Variants in OGG1 observed in about 807,000 individuals in gnomAD.
The protein encoded by OGG1 is 8-oxoguanine DNA glycosylase, also known as N-glycosylase/DNA lyase.
Under a neutral mutation model 42.3 loss-of-function variants are expected in OGG1, and 35 were observed. That is an observed-to-expected ratio of 0.83 (90% CI 0.63 to 1.10). OGG1 has a LOEUF of 1.10. OGG1 is among the 50% of genes least tolerant of loss of function. The pLI is 0.00. For synonymous variants in OGG1, 189 were observed against 179.0 expected, an observed-to-expected ratio of 1.06 and a Z score of -0.44; for missense variants, 484 against 446.7, an observed-to-expected ratio of 1.08 and a Z score of -0.75.
intron 2 of OGG1, among the ~76,000 whole-genome samples, chr3:9,778,993 C>A (rs1333061817): frequency 3.3e-5 from 5 of 152,120 alleles, no homozygotes; most frequent in Admixed American, 3.3e-4. Flanking sequence ...AACCTTCCCA[C>A]AGTAAATTGC....
downstream of OGG1, chr3:9,759,065 T>C (rs548387421): frequency 2.8e-5 from 23 of 816,800 alleles, no homozygotes; most frequent in East Asian, 1.2e-4. Context: ...CTTCTCTAAA[T>C]TGGGCTCCTG....
intron 2 of OGG1, 126 bp downstream of exon 2, chr3:9,751,318 C>G (rs3219002): frequency 2.4e-4 from 224 of 951,814 alleles, no homozygotes; most frequent in Admixed American, 1.3e-3. Flanking sequence ...ATTTAAGGAA[C>G]TAATACATGT....
rs749363197 is a variant in OGG1, at chr3:9,750,315, G to C, written c.29G>C (p.Arg10Pro). Residue 10 changes from arginine to proline, a missense_variant, in exon 1 of 7, where the codon CGC becomes CCC. Coordinates refer to ENST00000344629, the MANE Select transcript of OGG1 (RefSeq NM_002542.6). Reference protein sequence around the residue: MPARALLPRRMGHRTLASTP... With the variant: MPARALLPRPMGHRTLASTP... ...CCTGCCCGCGCGCTTCTGCCCAGGC[G>C]CATGGGGCATCGTACTCTAGCCTCC... The C allele has an allele frequency of 6.2e-7, 1 of 1,613,258 alleles. No homozygotes were observed. The highest frequency in any genetic ancestry group is 1.1e-5 in the South Asian group (1 of 91,062).
At chr3:9,759,181 T>G (rs1486472838), downstream of OGG1, 9 of 1,609,862 alleles carry the variant, frequency 5.6e-6, no homozygotes, top group East Asian at 2.0e-4. Flanking sequence ...CCTACTTAAC[T>G]GACAGCTCTG....
chr3:9,758,096 A>G (rs1032137594), downstream of OGG1: 8 of 471,208 alleles, frequency 1.7e-5, no homozygotes, highest in East Asian at 2.4e-4. Flanking sequence ...ATTCATATTA[A>G]TATGTAATAG....
At chr3:9,774,201 G>A (rs925956154) in intron 2 of OGG1, among the ~76,000 whole-genome samples, 9 of 152,118 alleles carry the variant, frequency 5.9e-5, no homozygotes, top group African/African-American at 1.9e-4. Flanking sequence ...CTGAGGTCAG[G>A]AGTTCAAGAC....
downstream of OGG1, chr3:9,759,088 C>G: frequency 9.9e-7 from 1 of 1,005,312 alleles, no homozygotes; most frequent in Non-Finnish European, 1.6e-6. Context: ...TCTCAGTCCC[C>G]TCAGCCCCTC....
chr3:9,759,296 C>G, downstream of OGG1: 4 of 1,605,080 alleles, frequency 2.5e-6, no homozygotes, highest in Non-Finnish European at 3.4e-6. Flanking sequence ...GGTGAGGGAC[C>G]CTCTCTGGAA....
chr3:9,767,733 TCCACTGCCCCCAGCATGGC>T (rs952024590), downstream of OGG1: 1 of 1,614,046 alleles, frequency 6.2e-7, no homozygotes, highest in Non-Finnish European at 8.5e-7. Context: ...CCTGGGGCCT[TCCACTGCCCCCAGCATGGC>T]CCACTGCCCC....
At chr3:9,759,385 C>G (rs2077738727), downstream of OGG1, 2 of 1,565,800 alleles carry the variant, frequency 1.3e-6, no homozygotes, top group Non-Finnish European at 1.8e-6. Flanking sequence ...TAAGCAGTTA[C>G]TGTGTGCCCA....
At chr3:9,789,070 A>G (rs2078680680), downstream of OGG1, among the ~76,000 whole-genome samples, 1 of 151,722 alleles carries the variant, frequency 6.6e-6, no homozygotes. Flanking sequence ...TCCTGAGCTC[A>G]AGCAATCTGC....
At chr3:9,775,290 A>G (rs2078350880) in intron 2 of OGG1, among the ~76,000 whole-genome samples, 1 of 152,216 alleles carries the variant, frequency 6.6e-6, no homozygotes, top group Non-Finnish European at 1.5e-5. Flanking sequence ...CTTTTGATTA[A>G]AGGTTTTGAT....
intron 7 of OGG1, among the ~76,000 whole-genome samples, chr3:9,762,566 A>C (rs764074650): frequency 6.6e-6 from 1 of 152,020 alleles, no homozygotes; most frequent in Middle Eastern, 3.2e-3. Flanking sequence ...TGGTAGAGAC[A>C]GGGTTTTGCC....
rs952148693 is a variant in OGG1 at position 9,751,071 on chromosome 3, C to T, written c.264C>T (p.Pro88=). 8 of 1,613,932 alleles carry T rather than the reference C, an allele frequency of 5.0e-6. No individual in the cohort carries two copies. Among genetic ancestry groups the T allele is most frequent in the Non-Finnish European group, 6.8e-6 (8 of 1,179,932 alleles). The change falls in exon 2 of 7, where the codon CCC becomes CCT. Residue 88 remains proline (P), a synonymous_variant. Coordinates refer to ENST00000344629, the MANE Select transcript of OGG1 (RefSeq NM_002542.6). Reference sequence around the variant, plus strand: ...GAGACAAGAGCCAGGCTAGCAGGCCCACACCAGACGAGCTGGAGGCCGTGC... The same window carrying T: ...GAGACAAGAGCCAGGCTAGCAGGCCTACACCAGACGAGCTGGAGGCCGTGC... ...YRGDKSQASR[P]TPDELEAVRK...
chr3:9,761,870 G>A (rs1212367163), downstream of OGG1: 1 of 1,452,730 alleles, frequency 6.9e-7, no homozygotes, highest in Non-Finnish European at 9.1e-7. Context: ...AAGCCACTGT[G>A]GCTTCATGGC....
At chr3:9,770,458 G>GT (rs2078277059), downstream of OGG1, among the ~76,000 whole-genome samples, 1 of 152,130 alleles carries the variant, frequency 6.6e-6, no homozygotes, top group Admixed American at 6.5e-5. Flanking sequence ...TGGTCGCAGG[G>GT]TGTGGGCCCC....
intron 3 of OGG1, among the ~76,000 whole-genome samples, chr3:9,784,518 T>A (rs1478309521): frequency 6.6e-6 from 1 of 152,150 alleles, no homozygotes; most frequent in Admixed American, 6.5e-5. Context: ...TTATTCCTAA[T>A]CTTTTGCTAC....
downstream of OGG1, chr3:9,759,765 C>A: frequency 1.2e-6 from 2 of 1,614,130 alleles, no homozygotes; most frequent in Non-Finnish European, 1.7e-6. Context: ...ACCCCCAAGA[C>A]AAAAGCAAAG....
downstream of OGG1, chr3:9,759,641 G>T (rs56046762): frequency 6.2e-7 from 1 of 1,614,000 alleles, no homozygotes; most frequent in Admixed American, 1.7e-5. Flanking sequence ...CCCAAATCCC[G>T]CCCCAGCTCA....
Sources: allele counts gnomAD v4.1 joint callset (sites outside exome capture counted in the v4.1 genomes callset), GRCh38; gene constraint gnomAD v4.1.1; transcripts MANE v1.5; gene names NCBI Gene and HGNC (gene_info 2026-07-23, HGNC 2026-07-21).